Variants in CENPW observed in about 807,000 individuals in gnomAD.
CENPW encodes the protein centromere protein W, also known as cancer-up-regulated gene 2 protein.
Under a neutral mutation model 11.1 loss-of-function variants are expected in CENPW, and 3 were observed. The observed-to-expected ratio is 0.27, with a 90% confidence interval of 0.12 to 0.70. CENPW has a LOEUF of 0.70. Among genes scored for constraint, CENPW ranks in the 30% least tolerant of loss-of-function variants. The probability of loss-of-function intolerance (pLI) is 0.77; values close to 1 mark genes in which losing one functional copy is unlikely to be tolerated. For synonymous variants in CENPW, 38 were observed against 42.0 expected, an observed-to-expected ratio of 0.91 and a Z score of 0.37; for missense variants, 100 against 105.6, an observed-to-expected ratio of 0.95 and a Z score of 0.23.
the CENPW span, among the ~76,000 whole-genome samples, chr6:126,458,621 T>G: frequency 6.6e-6 from 1 of 151,294 alleles, no homozygotes; most frequent in Non-Finnish European, 1.5e-5. Context: ...AGGACGACAC[T>G]GAGAATCTTA....
At chr6:126,386,490 A>C in the CENPW span, among the ~76,000 whole-genome samples, 1 of 152,056 alleles carries the variant, frequency 6.6e-6, no homozygotes, top group Non-Finnish European at 1.5e-5. Context: ...TTTAATGGTC[A>C]TCAGTTGCAT....
chr6:126,409,762 A>C, the CENPW span, among the ~76,000 whole-genome samples: 3 of 151,892 alleles, frequency 2.0e-5, no homozygotes, highest in South Asian at 6.2e-4. Flanking sequence ...TTTGAGTGAA[A>C]TATTTTTTAC....
At chr6:126,421,815 T>G in the CENPW span, among the ~76,000 whole-genome samples, 1 of 152,142 alleles carries the variant, frequency 6.6e-6, no homozygotes, top group Admixed American at 6.6e-5. Flanking sequence ...ATTGTTTTAA[T>G]AACAGTAGCT....
chr6:126,418,561 G>A, the CENPW span, among the ~76,000 whole-genome samples: 2 of 152,194 alleles, frequency 1.3e-5, no homozygotes, highest in East Asian at 3.9e-4. Flanking sequence ...TACTTATGGT[G>A]GATACATGTC....
At chr6:126,446,037 G>GGA in the CENPW span, among the ~76,000 whole-genome samples, 8 of 151,200 alleles carry the variant, frequency 5.3e-5, no homozygotes, top group African/African-American at 1.9e-4. Flanking sequence ...AAACTCAATT[G>GGA]AAACGATCAC....
At chr6:126,470,641 G>T in the CENPW span, among the ~76,000 whole-genome samples, 1 of 152,222 alleles carries the variant, frequency 6.6e-6, no homozygotes, top group Non-Finnish European at 1.5e-5. Context: ...ATGTGGAAAA[G>T]CTGCAGACAC....
the CENPW span, among the ~76,000 whole-genome samples, chr6:126,464,219 C>T: frequency 9.9e-5 from 15 of 152,044 alleles, no homozygotes; most frequent in African/African-American, 2.4e-4. Context: ...AAGGAAACCA[C>T]CTGAACATCT....
At chr6:126,355,768 C>T in the CENPW span, among the ~76,000 whole-genome samples, 1 of 152,090 alleles carries the variant, frequency 6.6e-6, no homozygotes, top group Non-Finnish European at 1.5e-5. Context: ...TTATTTTTAA[C>T]TTTTAATTTC....
At chr6:126,414,075 G>T in the CENPW span, among the ~76,000 whole-genome samples, 1 of 151,854 alleles carries the variant, frequency 6.6e-6, no homozygotes, top group Non-Finnish European at 1.5e-5. Context: ...AAGACTAAAA[G>T]ATCATTATAT....
chr6:126,469,240 C>G, the CENPW span, among the ~76,000 whole-genome samples: 77 of 152,234 alleles, frequency 5.1e-4, 3 homozygotes, highest in South Asian at 0.015. Flanking sequence ...CCATGCCGTT[C>G]TTGTGACAGT....
chr6:126,462,519 C>G, the CENPW span, among the ~76,000 whole-genome samples: 1 of 147,460 alleles, frequency 6.8e-6, no homozygotes, highest in African/African-American at 2.5e-5. Context: ...TTCTCTCTCT[C>G]TCTCTCTCTC....
chr6:126,359,196 T>C, the CENPW span, among the ~76,000 whole-genome samples: 8 of 152,078 alleles, frequency 5.3e-5, no homozygotes, highest in African/African-American at 1.7e-4. Flanking sequence ...CCAGGAGTTA[T>C]TCAGGAAAAA....
At chr6:126,422,636 A>T in the CENPW span, among the ~76,000 whole-genome samples, 1 of 152,072 alleles carries the variant, frequency 6.6e-6, no homozygotes, top group South Asian at 2.1e-4. Flanking sequence ...AGATATTTGA[A>T]ATCTTCATCG....
chr6:126,442,807 T>C, the CENPW span, among the ~76,000 whole-genome samples: 1 of 151,348 alleles, frequency 6.6e-6, no homozygotes, highest in Non-Finnish European at 1.5e-5. Flanking sequence ...AACAGACTAA[T>C]CAGTGAACTC....
chr6:126,399,805 CTA>C, the CENPW span, among the ~76,000 whole-genome samples: 1 of 152,022 alleles, frequency 6.6e-6, no homozygotes, highest in African/African-American at 2.4e-5. Context: ...TCAGTCATCT[CTA>C]AAGTTTCTTG....
chr6:126,362,594 G>C, the CENPW span, among the ~76,000 whole-genome samples: 2 of 152,098 alleles, frequency 1.3e-5, no homozygotes, highest in Non-Finnish European at 2.9e-5. Flanking sequence ...AGCGCTTCGT[G>C]GCTTTGTCTA....
At chr6:126,413,118 T>C in the CENPW span, among the ~76,000 whole-genome samples, 1 of 152,170 alleles carries the variant, frequency 6.6e-6, no homozygotes, top group Non-Finnish European at 1.5e-5. Context: ...TTCCAGAAGC[T>C]TTCTGGAATA....
In CENPW at chr6:126,340,121, T is replaced by G. The variant is rs1583950803; in HGVS notation, c.-153T>G. The G allele has an allele frequency of 2.7e-6, 2 of 731,762 alleles. No individual in the cohort carries two copies. Among genetic ancestry groups the G allele is most frequent in the East Asian group, 2.5e-5 (1 of 39,596 alleles). 45.3% of individuals were successfully genotyped at this position (731,762 alleles called of 1,614,324 possible). A position where few individuals can be genotyped will look rare whatever the true frequency, so the allele number is the denominator to read the frequency against. ...ACTACTGAGCGCCGGGCGCGTTCCG[T>G]TGGCGGCGGATTCGAACGTTCGGAC... is the stretch of plus-strand genomic sequence containing the variant. On this transcript the variant is annotated 5_prime_UTR_variant, in exon 1 of 3. Transcript: ENST00000368328.
At chr6:126,417,259 T>G in the CENPW span, among the ~76,000 whole-genome samples, 7 of 152,222 alleles carry the variant, frequency 4.6e-5, no homozygotes, top group Non-Finnish European at 1.0e-4. Context: ...CTGTATTTAA[T>G]GCCTGTACCA....
Sources: allele counts gnomAD v4.1 joint callset (sites outside exome capture counted in the v4.1 genomes callset), GRCh38; gene constraint gnomAD v4.1.1; transcripts MANE v1.5; gene names NCBI Gene and HGNC (gene_info 2026-07-23, HGNC 2026-07-21).